MTDH: variants seen among roughly 807,000 people sequenced by gnomAD.
MTDH encodes the protein metadherin.
In MTDH, 34 loss-of-function variants were observed where a neutral mutation model predicts 72.7. The observed-to-expected ratio is 0.47, with a 90% CI of 0.36 to 0.62. The LOEUF (loss-of-function observed/expected upper bound fraction) is 0.62, where lower values mean the gene tolerates loss of function less well. Among genes scored for constraint, MTDH ranks in the 20% least tolerant of loss-of-function variants. The probability of loss-of-function intolerance (pLI) is 0.00; values close to 1 mark genes in which losing one functional copy is unlikely to be tolerated. For missense variants in MTDH, 677 were observed against 699.4 expected (o/e 0.97, Z 0.36); for synonymous variants, 266 against 268.9 (o/e 0.99, Z 0.10).
Position 97,697,150 on chromosome 8 carries a change from A to ATATATATATATATATTTTT in MTDH, c.1049-2603_1049-2602insATATATATATATATTTTTT. 4.4e-5 allele frequency among the ~76,000 whole-genome samples: 3 copies of ATATATATATATATATTTTT among 68,786 alleles called. No individual in the cohort carries two copies. In the East Asian group the frequency reaches 2.0e-3, roughly 47 times the overall value. The allele number at this position is 68,786 out of a possible 152,430, so 45.1% of individuals were successfully genotyped here. A position where few individuals can be genotyped will look rare whatever the true frequency, so the allele number is the denominator to read the frequency against. ...AAAAAATATATATATATATATATAT[A>ATATATATATATATATTTTT]TTTTTTTTTTGTGGACCCAGTTTAC... is the stretch of plus-strand genomic sequence containing the variant. On this transcript the variant is annotated intron_variant, in intron 6 of 11. Coordinates refer to ENST00000336273, the MANE Select transcript of MTDH (RefSeq NM_178812.4).
intron 8 of MTDH, among the ~76,000 whole-genome samples, chr8:97,710,023 A>G (rs1814553977): frequency 6.6e-6 from 1 of 152,204 alleles, no homozygotes; most frequent in African/African-American, 2.4e-5. Flanking sequence ...CCTGAGTATC[A>G]TTCATGGCAC....
At chr8:97,669,269 C>T (rs922717059) in intron 2 of MTDH, among the ~76,000 whole-genome samples, 3 of 152,068 alleles carry the variant, frequency 2.0e-5, no homozygotes, top group African/African-American at 7.2e-5. Context: ...CCTGCCTCAG[C>T]CTCCCTAGTA....
intron 1 of MTDH, among the ~76,000 whole-genome samples, chr8:97,655,542 C>T (rs1039632825): frequency 2.0e-5 from 3 of 152,198 alleles, no homozygotes; most frequent in Admixed American, 2.0e-4. Context: ...GGATGCCTGT[C>T]CAGGCCCTTT....
At chr8:97,709,527 A>G (rs1382089354) in intron 8 of MTDH, among the ~76,000 whole-genome samples, 2 of 152,226 alleles carry the variant, frequency 1.3e-5, no homozygotes, top group African/African-American at 4.8e-5. Context: ...CAAAATGTTC[A>G]TCAGTTGGGG....
intron 2 of MTDH, among the ~76,000 whole-genome samples, chr8:97,670,587 G>T (rs574812744): frequency 6.6e-6 from 1 of 152,332 alleles, no homozygotes; most frequent in Admixed American, 6.5e-5. Context: ...TCGTGCCACT[G>T]CACTCCAGCC....
chr8:97,644,604 G>C lies in MTDH; in HGVS notation c.98G>C (p.Arg33Pro). 1 of 1,609,248 alleles carries C rather than the reference G, an allele frequency of 6.2e-7. No individual in the cohort carries two copies. The highest frequency in any genetic ancestry group is 8.5e-7 in the Non-Finnish European group (1 of 1,179,170). The change falls in exon 1 of 12, where the codon CGC (arginine) becomes CCC (proline). Residue 33 changes from arginine (R) to proline (P), a missense_variant. Arg to Pro is a moderately radical substitution (Grantham distance 103). Around this residue, in one of 3 missense-constraint regions of MTDH, gnomAD observed 467 missense variants for 469.1 expected, o/e 1.00. Transcript: ENST00000336273. Reference sequence around the variant, plus strand: ...CTCTCGGTCGGCCTAGGCTTTCTGCGCACCGAGCTGGGCCTCGACCTGGGG... The same window carrying C: ...CTCTCGGTCGGCCTAGGCTTTCTGCCCACCGAGCTGGGCCTCGACCTGGGG... ...EMLSVGLGFL[R>P]TELGLDLGLE...
chr8:97,708,068 A>G (rs1814437029), intron 8 of MTDH, among the ~76,000 whole-genome samples: 1 of 151,598 alleles, frequency 6.6e-6, no homozygotes, highest in South Asian at 2.1e-4. Flanking sequence ...TCCTGAGTTC[A>G]AGCAATTCTC....
At chr8:97,720,893 A>G (rs1189526355) in intron 10 of MTDH, among the ~76,000 whole-genome samples, 1 of 151,680 alleles carries the variant, frequency 6.6e-6, no homozygotes, top group Non-Finnish European at 1.5e-5. Context: ...ACCTCAAGTG[A>G]TCCGCCTGCC....
intron 2 of MTDH, among the ~76,000 whole-genome samples, chr8:97,677,877 T>C (rs1365688506): frequency 6.6e-6 from 1 of 152,198 alleles, no homozygotes; most frequent in Non-Finnish European, 1.5e-5. Flanking sequence ...ACTGGATGCA[T>C]TTCTTGAGGG....
chr8:97,707,058 A>G (rs552321367), intron 8 of MTDH, among the ~76,000 whole-genome samples: 1 of 152,248 alleles, frequency 6.6e-6, no homozygotes, highest in South Asian at 2.1e-4. Flanking sequence ...AGTGGATAAT[A>G]GCAACACGTG....
intron 1 of MTDH, among the ~76,000 whole-genome samples, chr8:97,645,089 T>C (rs1158770154): frequency 6.6e-6 from 1 of 151,568 alleles, no homozygotes; most frequent in East Asian, 1.9e-4. Flanking sequence ...ATAGGACGAG[T>C]GGGGAAGCCC....
chr8:97,693,907 G>C (rs1243390084), intron 6 of MTDH, among the ~76,000 whole-genome samples: 2 of 151,884 alleles, frequency 1.3e-5, no homozygotes, highest in Non-Finnish European at 2.9e-5. Context: ...TGTAGAGACA[G>C]TTTCGCCATG....
In MTDH at chr8:97,729,086, AAT is replaced by A. The variant is rs1491262750; in HGVS notation, c.*4417_*4418del. On this transcript the variant is annotated 3_prime_UTR_variant, in exon 12 of 12. Coordinates refer to ENST00000336273, the MANE Select transcript of MTDH (RefSeq NM_178812.4). Reference sequence around the variant, plus strand: ...AGGTACACACCACCATGCCTGGCTAAATTTTTTTTTTTTTTTTTTGGTAGAGA... The same window carrying A: ...AGGTACACACCACCATGCCTGGCTAATTTTTTTTTTTTTTTTTGGTAGAGA... Among the ~76,000 whole-genome samples the A allele has an allele frequency of 1.4e-3, 146 of 107,296 alleles. No individual in the cohort carries two copies. Among genetic ancestry groups the A allele is most frequent in the African/African-American group, 7.6e-3 (145 of 19,128 alleles). The allele number at this position is 107,296 out of a possible 152,430, so 70.4% of individuals were successfully genotyped here. A position where few individuals can be genotyped will look rare whatever the true frequency, so the allele number is the denominator to read the frequency against.
intron 2 of MTDH, among the ~76,000 whole-genome samples, chr8:97,679,168 AATGG>A (rs1171528615): frequency 6.6e-6 from 1 of 152,150 alleles, no homozygotes; most frequent in Non-Finnish European, 1.5e-5. Flanking sequence ...TTATCTACAA[AATGG>A]ATAGAATAGC....
chr8:97,720,644 G>A (rs1370528354), intron 10 of MTDH, among the ~76,000 whole-genome samples: 2 of 129,706 alleles, frequency 1.5e-5, no homozygotes, highest in Non-Finnish European at 3.1e-5. Flanking sequence ...GGGTCTATTT[G>A]ACTTTTTTTT....
rs192612098 is a variant in MTDH at position 97,710,728 on chromosome 8, G to A, written c.1273-2934G>A. On this transcript the variant is annotated intron_variant, in intron 8 of 11. Coordinates refer to ENST00000336273, the MANE Select transcript of MTDH (RefSeq NM_178812.4). ...AAAAAAAATAGATAAGGCCGGGCGC[G>A]GTGGTTCACGCCTGTAATCCCAGCA... 4.6e-3 allele frequency among the ~76,000 whole-genome samples: 699 copies of A among 150,728 alleles called. 9 individuals are homozygous for A. Among genetic ancestry groups the A allele is most frequent in the Admixed American group, 7.5e-3 (113 of 15,052 alleles).
chr8:97,650,396 T>C (rs904459920), intron 1 of MTDH, among the ~76,000 whole-genome samples: 1 of 151,898 alleles, frequency 6.6e-6, no homozygotes, highest in Non-Finnish European at 1.5e-5. Context: ...CACCTCAGCC[T>C]CCTGAGTAGC....
chr8:97,672,518 G>C (rs903525638), intron 2 of MTDH, among the ~76,000 whole-genome samples: 2 of 152,120 alleles, frequency 1.3e-5, no homozygotes, highest in African/African-American at 2.4e-5. Flanking sequence ...CTGTTTTTCT[G>C]TAAAAAAGAA....
intron 2 of MTDH, among the ~76,000 whole-genome samples, chr8:97,662,029 T>TATTAATTTTCCAGTTGCTTGG (rs1167477230): frequency 6.6e-6 from 1 of 152,180 alleles, no homozygotes; most frequent in East Asian, 1.9e-4. Context: ...CCTGAGATTT[T>TATTAATTTTCCAGTTGCTTGG]ATTAATTTTC....
Sources: gnomAD v4.1 joint callset for allele counts (sites outside exome capture counted in the v4.1 genomes callset) on GRCh38, gnomAD v4.1.1 for gene constraint, gnomAD v4.1.1 regional missense constraint, MANE v1.5 for transcripts, NCBI Gene and HGNC (gene_info 2026-07-23, HGNC 2026-07-21) for gene names.